Variants in ATXN1 observed in about 807,000 individuals in gnomAD.
The protein encoded by ATXN1 is ataxin 1, also known as ataxin-1.
In ATXN1, 8 loss-of-function variants were observed where a neutral mutation model predicts 56.4. The ratio of observed to expected loss-of-function variants is 0.14; its 90% CI spans 0.08 to 0.26. The LOEUF is 0.26. ATXN1 is among the 10% of genes least tolerant of loss of function. ATXN1 has a pLI of 1.00. For missense variants in ATXN1, 987 were observed against 1,106.5 expected (o/e 0.89, Z 1.53); for synonymous variants, 514 against 494.6 (o/e 1.04, Z -0.52).
intron 4 of ATXN1, among the ~76,000 whole-genome samples, chr6:16,583,309 C>T (rs889528563): frequency 3.9e-5 from 6 of 152,192 alleles, no homozygotes; most frequent in African/African-American, 7.2e-5. Context: ...CCGTACACGT[C>T]GTTCTGTGTT....
chr6:16,616,560 T>TTATATATA (rs1486934935), intron 3 of ATXN1, among the ~76,000 whole-genome samples: 1 of 145,722 alleles, frequency 6.9e-6, no homozygotes, highest in Admixed American at 7.0e-5. Context: ...TATAATATAT[T>TTATATATA]TTATATATAG....
chr6:16,451,528 G>A (rs1239533050), intron 6 of ATXN1, among the ~76,000 whole-genome samples: 2 of 152,124 alleles, frequency 1.3e-5, no homozygotes, highest in African/African-American at 2.4e-5. Context: ...GGCCAAGGCC[G>A]GCAGATCACC....
Position 16,506,232 on chromosome 6 carries a change from C to T in ATXN1, c.-299+16395G>A, listed in dbSNP as rs1242060108. On this transcript the variant is annotated intron_variant, in intron 5 of 7. Coordinates refer to ENST00000436367, the MANE Select transcript of ATXN1 (RefSeq NM_001128164.2). The surrounding 1 kb of genome is among the most constrained non-coding windows in gnomAD (Gnocchi z 4.1). ...ATTTCCATTTGTTCACATGATGTGA[C>T]TCATCATTTGGGTGACATGGAGCAG... Among the ~76,000 whole-genome samples, 2 of 152,186 alleles carry T rather than the reference C, an allele frequency of 1.3e-5. No individual in the cohort carries two copies. The highest frequency in any genetic ancestry group is 2.9e-5 in the Non-Finnish European group (2 of 68,044).
At chr6:16,436,023 G>C (rs191397573) in intron 6 of ATXN1, among the ~76,000 whole-genome samples, 38 of 152,030 alleles carry the variant, frequency 2.5e-4, no homozygotes, top group Admixed American at 2.2e-3. Context: ...TTAGCCTCCT[G>C]AGTGGCTGGG....
intron 7 of ATXN1, among the ~76,000 whole-genome samples, chr6:16,318,471 C>T (rs1040498321): frequency 2.0e-5 from 3 of 152,126 alleles, no homozygotes; most frequent in Admixed American, 1.3e-4. Flanking sequence ...TGCATGGTTA[C>T]GTTCTCAGCA....
intron 6 of ATXN1, among the ~76,000 whole-genome samples, chr6:16,447,899 T>C (rs1322598343): frequency 6.6e-6 from 1 of 152,144 alleles, no homozygotes; most frequent in Non-Finnish European, 1.5e-5. Flanking sequence ...AACTGTAGTT[T>C]CAGAAAAGCT....
At chr6:16,582,392 A>G (rs1762545891) in intron 4 of ATXN1, among the ~76,000 whole-genome samples, 1 of 152,200 alleles carries the variant, frequency 6.6e-6, no homozygotes, top group Non-Finnish European at 1.5e-5. Flanking sequence ...CTGCCCCTAA[A>G]AAGGCCTTTG....
chr6:16,731,444 T>TTTTCC (rs1561826898), intron 2 of ATXN1, among the ~76,000 whole-genome samples: 1 of 139,164 alleles, frequency 7.2e-6, no homozygotes, highest in Non-Finnish European at 1.5e-5. Flanking sequence ...AGAGGCTTTT[T>TTTTCC]TTTTCTTTTC....
intron 2 of ATXN1, chr6:16,737,648 T>C (rs1432608602): frequency 6.6e-6 from 1 of 152,176 alleles, no homozygotes; most frequent in Non-Finnish European, 1.5e-5. Context: ...TGGACTCAGA[T>C]GCAAGAAGTT....
chr6:16,668,857 C>T lies in ATXN1; in HGVS notation c.-614-10956G>A, dbSNP rs1758483384. ...AGGGGTCTATGTTGCCCAGTCTGGT[C>T]TTGAACTCCTGGCCTCAAGCAATCC... On this transcript the variant is annotated intron_variant, in intron 2 of 7. Transcript: ENST00000436367. Among the ~76,000 whole-genome samples the T allele has an allele frequency of 2.0e-5, 3 of 151,590 alleles. No individual in the cohort carries two copies. In the South Asian group the frequency reaches 6.2e-4, roughly 32 times the overall value.
intron 6 of ATXN1, among the ~76,000 whole-genome samples, chr6:16,451,584 C>T (rs1255457640): frequency 2.0e-5 from 3 of 152,078 alleles, no homozygotes; most frequent in Non-Finnish European, 4.4e-5. Flanking sequence ...GGAGGAACCT[C>T]ATCTCTGCTA....
intron 6 of ATXN1, among the ~76,000 whole-genome samples, chr6:16,392,286 C>A (rs945379793): frequency 2.0e-5 from 3 of 152,192 alleles, no homozygotes; most frequent in African/African-American, 7.2e-5. Flanking sequence ...CAGAACTTGG[C>A]TTCCCCAGCT....
At chr6:16,676,121 A>G (rs1481844772) in intron 2 of ATXN1, among the ~76,000 whole-genome samples, 1 of 152,180 alleles carries the variant, frequency 6.6e-6, no homozygotes, top group Non-Finnish European at 1.5e-5. Context: ...ATGCTCATCA[A>G]CAGGGTAGTA....
At chr6:16,472,975 T>C (rs1043874180) in intron 6 of ATXN1, among the ~76,000 whole-genome samples, 2 of 152,120 alleles carry the variant, frequency 1.3e-5, no homozygotes, top group Non-Finnish European at 2.9e-5. Flanking sequence ...AGGTCCTGGG[T>C]TTTTAGTTTT....
intron 3 of ATXN1, among the ~76,000 whole-genome samples, chr6:16,606,908 C>A (rs780677565): frequency 1.4e-4 from 4 of 29,188 alleles, no homozygotes; most frequent in African/African-American, 2.6e-4. Context: ...GTTTTTGAGA[C>A]GGACTTTTGC....
intron 3 of ATXN1, among the ~76,000 whole-genome samples, chr6:16,608,400 A>G (rs772459365): frequency 1.6e-4 from 24 of 152,188 alleles, no homozygotes; most frequent in African/African-American, 4.1e-4. Context: ...CTTGATTTCT[A>G]TCTTCTTAAT....
intron 6 of ATXN1, among the ~76,000 whole-genome samples, chr6:16,471,478 A>G (rs1298607033): frequency 6.6e-6 from 1 of 152,204 alleles, no homozygotes; most frequent in East Asian, 1.9e-4. Flanking sequence ...GTAATAGATA[A>G]GGCAGACAGA....
chr6:16,330,389 CCTTT>C (rs1263105112), intron 6 of ATXN1, among the ~76,000 whole-genome samples: 12 of 125,894 alleles, frequency 9.5e-5, no homozygotes, highest in Admixed American at 7.1e-4. Flanking sequence ...TTCCTTCCTT[CCTTT>C]TTTTTTTTTT....
intron 2 of ATXN1, among the ~76,000 whole-genome samples, chr6:16,690,324 C>T (rs937547991): frequency 6.6e-6 from 1 of 151,872 alleles, no homozygotes; most frequent in Admixed American, 6.6e-5. Context: ...CTATCAGCAA[C>T]CTGCCTTCCT....
Sources: gnomAD v4.1 joint callset for allele counts (sites outside exome capture counted in the v4.1 genomes callset) on GRCh38, gnomAD v4.1.1 for gene constraint, Gnocchi (gnomAD v3.1) non-coding constraint, MANE v1.5 for transcripts, NCBI Gene and HGNC (gene_info 2026-07-23, HGNC 2026-07-21) for gene names.